Variants in DHX57 observed in about 807,000 individuals in gnomAD.
The protein encoded by DHX57 is putative ATP-dependent RNA helicase DHX57.
Under a neutral mutation model 156.2 loss-of-function variants are expected in DHX57, and 105 were observed. The ratio of observed to expected loss-of-function variants is 0.67; its 90% CI spans 0.57 to 0.79. DHX57 has a LOEUF of 0.79. Ranked by LOEUF, DHX57 falls within the 30% of genes least tolerant of loss-of-function variation. The probability of loss-of-function intolerance (pLI) is 0.00; values close to 1 mark genes in which losing one functional copy is unlikely to be tolerated. For synonymous variants in DHX57, 704 were observed against 595.6 expected (o/e 1.18, Z -2.65); for missense variants, 1,847 against 1,661.9 (o/e 1.11, Z -1.94).
chr2:38,847,080 A>C lies in DHX57; in HGVS notation c.2165-7T>G. 1.2e-6 allele frequency: 2 copies of C among 1,612,424 alleles called. No individual in the cohort carries two copies. The highest frequency in any genetic ancestry group is 1.7e-6 in the Non-Finnish European group (2 of 1,178,714). Reference sequence around the variant, plus strand: ...TCAACAGGAAATGTACGACCTAGAAAAACAAGGAGACAAAATAGAAAGCCT... The same window carrying C: ...TCAACAGGAAATGTACGACCTAGAACAACAAGGAGACAAAATAGAAAGCCT... On this transcript the variant is annotated splice_region_variant and splice_polypyrimidine_tract_variant and intron_variant, in intron 10 of 23. Transcript: ENST00000457308.
chr2:38,816,190 G>A, intron 19 of DHX57: 1 of 470,724 alleles, frequency 2.1e-6, no homozygotes, highest in Non-Finnish European at 4.4e-6. Flanking sequence ...CTTTTCCTAG[G>A]AATAGGGACA....
intron 13 of DHX57, 93 bp from the exon 14 acceptor site, chr2:38,828,529 T>A: frequency 3.8e-6 from 3 of 786,544 alleles, no homozygotes; most frequent in Admixed American, 3.2e-5. Flanking sequence ...ATAAATGAAG[T>A]AAATGAAAAA....
At chr2:38,853,088 C>G (rs1475093811) in intron 9 of DHX57, 1 of 49,854 alleles carries the variant, frequency 2.0e-5, no homozygotes, top group Non-Finnish European at 4.8e-5. Flanking sequence ...CAGGGTCTTG[C>G]TTTCTTGACC....
rs1393627127 is a variant in DHX57, at chr2:38,862,241, G to A, written c.476C>T (p.Pro159Leu). 5 of 1,613,896 alleles carry A rather than the reference G, an allele frequency of 3.1e-6. No individual in the cohort carries two copies. Among genetic ancestry groups the A allele is most frequent in the Non-Finnish European group, 4.2e-6 (5 of 1,179,860 alleles). The part of the protein sequence containing the change: ...WPAGQEPSLV[P>L]DLDPLEYAGL... ...AGCATATTCCAAAGGATCCAAGTCG[G>A]GAACGAGGGAAGGTTCCTGTCCAGC... The change falls in exon 4 of 24, where the codon CCC (proline) becomes CTC (leucine). Residue 159 changes from proline (P) to leucine (L), a missense_variant. Coordinates refer to ENST00000457308, the MANE Select transcript of DHX57 (RefSeq NM_198963.3).
At chr2:38,839,884 G>A (rs997618721) in intron 12 of DHX57, among the ~76,000 whole-genome samples, 1 of 152,086 alleles carries the variant, frequency 6.6e-6, no homozygotes, top group African/African-American at 2.4e-5. Context: ...CAAAAAGCCA[G>A]ACTTTTCAAA....
At chr2:38,847,823 C>A (rs1047683789) in intron 10 of DHX57, among the ~76,000 whole-genome samples, 1 of 151,986 alleles carries the variant, frequency 6.6e-6, no homozygotes, top group Non-Finnish European at 1.5e-5. Context: ...GTGGCTCACA[C>A]CTGTAATCCC....
intron 21 of DHX57, among the ~76,000 whole-genome samples, chr2:38,809,250 G>T (rs193195059): frequency 6.6e-6 from 1 of 152,042 alleles, no homozygotes; most frequent in East Asian, 1.9e-4. Context: ...CTCCCGAGTA[G>T]CTGGGACTAC....
intron 10 of DHX57, among the ~76,000 whole-genome samples, chr2:38,848,007 C>T (rs1043097585): frequency 7.9e-5 from 12 of 151,648 alleles, no homozygotes; most frequent in African/African-American, 2.2e-4. Flanking sequence ...GGCATGAACC[C>T]GGGAGGCAGA....
Position 38,864,007 on chromosome 2 carries a change from G to A in DHX57, c.225-488C>T, listed in dbSNP as rs151314687. Among the ~76,000 whole-genome samples the A allele has an allele frequency of 3.1e-3, 456 of 149,486 alleles. 5 individuals carry two copies. Among genetic ancestry groups the A allele is most frequent in the Middle Eastern group, 0.01 (3 of 292 alleles). On this transcript the variant is annotated intron_variant, in intron 2 of 23. Coordinates refer to ENST00000457308, the MANE Select transcript of DHX57 (RefSeq NM_198963.3). ...AGCCTGGGCAACAGAGCGAGATTCCGTTTAAAAAAAAAAAAAACAACAAAA... is the reference window on the plus strand; with the variant it reads ...AGCCTGGGCAACAGAGCGAGATTCCATTTAAAAAAAAAAAAAACAACAAAA...
Position 38,856,046 on chromosome 2 carries a change from G to T in DHX57, c.1709+294C>A, listed in dbSNP as rs1312158840. ...GAATCACTTGAACCCAGGAGGCAAAGGTTGCAGTGAGCCGAGATCATGCCA... is the reference window on the plus strand; with the variant it reads ...GAATCACTTGAACCCAGGAGGCAAATGTTGCAGTGAGCCGAGATCATGCCA... On this transcript the variant is annotated intron_variant, in intron 7 of 23. Transcript: ENST00000457308. Among the ~76,000 whole-genome samples, 3 of 152,132 alleles carry T rather than the reference G, an allele frequency of 2.0e-5. 1 individual carries two copies. Among genetic ancestry groups the T allele is most frequent in the African/African-American group, 4.8e-5 (2 of 41,436 alleles).
chr2:38,837,098 C>T (rs1310547295), intron 13 of DHX57, among the ~76,000 whole-genome samples: 1 of 152,104 alleles, frequency 6.6e-6, no homozygotes, highest in Non-Finnish European at 1.5e-5. Flanking sequence ...ATTCACCTTC[C>T]TTGGCCTCTC....
intron 23 of DHX57, among the ~76,000 whole-genome samples, chr2:38,800,059 C>G (rs552646632): frequency 4.0e-4 from 61 of 152,010 alleles, no homozygotes; most frequent in African/African-American, 1.3e-3. Context: ...GTGGCGTATG[C>G]CTGTAATCCC....
chr2:38,862,440 C>T, intron 3 of DHX57, 107 bp from the exon 4 acceptor site: 2 of 1,087,530 alleles, frequency 1.8e-6, no homozygotes, highest in Non-Finnish European at 2.5e-6. Context: ...GACTACTCTT[C>T]AGTTGCTGAT....
At chr2:38,875,643 A>T (rs1665578433) in intron 1 of DHX57, 144 bp downstream of exon 1, 1 of 164,054 alleles carries the variant, frequency 6.1e-6, no homozygotes, top group African/African-American at 2.4e-5. Context: ...CCCCAGGCAG[A>T]CTGGATGAAA....
intron 21 of DHX57, among the ~76,000 whole-genome samples, chr2:38,807,578 C>T (rs548361147): frequency 4.6e-5 from 7 of 151,910 alleles, no homozygotes; most frequent in Non-Finnish European, 8.8e-5. Context: ...AGGATGGTCT[C>T]GATCTCCTGA....
At chr2:38,863,937 T>C (rs1664906479) in intron 2 of DHX57, among the ~76,000 whole-genome samples, 1 of 152,062 alleles carries the variant, frequency 6.6e-6, no homozygotes, top group East Asian at 1.9e-4. Flanking sequence ...CACTTGAACT[T>C]GGAGGTAGAG....
intron 2 of DHX57, among the ~76,000 whole-genome samples, chr2:38,865,827 T>C (rs1665038949): frequency 6.6e-6 from 1 of 152,212 alleles, no homozygotes; most frequent in Non-Finnish European, 1.5e-5. Flanking sequence ...CTCAGATTTA[T>C]ATATTAAATT....
chr2:38,872,003 C>T (rs562814669), intron 1 of DHX57, among the ~76,000 whole-genome samples: 53 of 152,288 alleles, frequency 3.5e-4, no homozygotes, highest in Non-Finnish European at 5.1e-4. Flanking sequence ...CCACCGCGCC[C>T]GGCCTAATAA....
At chr2:38,823,485 G>A (rs1303628755) in intron 16 of DHX57, among the ~76,000 whole-genome samples, 2 of 152,080 alleles carry the variant, frequency 1.3e-5, no homozygotes, top group African/African-American at 4.8e-5. Flanking sequence ...CTTTCAAAAT[G>A]CTTCTTTCCA....
Sources: gnomAD v4.1 joint callset for allele counts (sites outside exome capture counted in the v4.1 genomes callset) on GRCh38, gnomAD v4.1.1 for gene constraint, MANE v1.5 for transcripts, NCBI Gene and HGNC (gene_info 2026-07-23, HGNC 2026-07-21) for gene names.